Variants in TNFAIP8L1 observed in about 807,000 individuals in gnomAD.
TNFAIP8L1 encodes TNF alpha induced protein 8 like 1, also known as tumor necrosis factor alpha-induced protein 8-like protein 1.
For missense variants in TNFAIP8L1, 225 were observed against 266.1 expected (o/e 0.85, Z 1.08); for synonymous variants, 127 against 125.6 (o/e 1.01, Z -0.08).
rs1226952662 is a variant in TNFAIP8L1, at chr19:4,652,450, G to A, written c.*20G>A. The A allele has an allele frequency of 1.4e-5, 21 of 1,480,950 alleles. No individual in the cohort carries two copies. Among genetic ancestry groups the A allele is most frequent in the East Asian group, 2.5e-5 (1 of 39,520 alleles). The allele number at this position is 1,480,950 out of a possible 1,614,324, so 91.7% of individuals were successfully genotyped here. On this transcript the variant is annotated 3_prime_UTR_variant, in exon 2 of 2. Coordinates refer to ENST00000327473, the MANE Select transcript of TNFAIP8L1 (RefSeq NM_152362.3). ...CTCTGAACCCCGGCGCCGCCCAACC[G>A]CGCCCCTCGCGCCTTTTGGGGCTCT...
At chr19:4,650,787 C>G (rs974612938) in intron 1 of TNFAIP8L1, among the ~76,000 whole-genome samples, 2 of 152,168 alleles carry the variant, frequency 1.3e-5, no homozygotes, top group Non-Finnish European at 1.5e-5. Flanking sequence ...CACCCCCTGG[C>G]TCACTCGGGG....
chr19:4,651,262 C>G (rs2088361690), intron 1 of TNFAIP8L1, among the ~76,000 whole-genome samples: 1 of 152,022 alleles, frequency 6.6e-6, no homozygotes, highest in Non-Finnish European at 1.5e-5. Context: ...GGGCTGGCAT[C>G]AGACCCTACA....
intron 1 of TNFAIP8L1, among the ~76,000 whole-genome samples, chr19:4,647,609 C>CTTTT (rs57985958): frequency 3.7e-5 from 3 of 80,556 alleles, no homozygotes; most frequent in African/African-American, 4.8e-5. Flanking sequence ...GTGCACCTGG[C>CTTTT]TTTTTTTTTT....
rs768504363 is a variant in TNFAIP8L1 at position 4,654,446 on chromosome 19, T to C, written c.*2016T>C. The C allele has an allele frequency of 3.3e-5, 5 of 152,184 alleles. No individual in the cohort carries two copies. Among genetic ancestry groups the C allele is most frequent in the Non-Finnish European group, 7.3e-5 (5 of 68,040 alleles). The allele number at this position is 152,184 out of a possible 1,614,324, so 9.4% of individuals were successfully genotyped here. ...GCAGCCCCTTCCTTCCAGGCTCAAG[T>C]GATCCTCCCACCTCAGCCCCGGGTA... is the stretch of plus-strand genomic sequence containing the variant. On this transcript the variant is annotated 3_prime_UTR_variant, in exon 2 of 2. Transcript: ENST00000327473.
At position 4,654,065 on chromosome 19, in the gene TNFAIP8L1, T is replaced by C. The variant is rs2088399854; in HGVS notation, c.*1635T>C. ...CTTCAGCCTTGGAGGGACCTAGCCCTGGCCACACCTTCATCTCAGACTTGC... is the reference window on the plus strand; with the variant it reads ...CTTCAGCCTTGGAGGGACCTAGCCCCGGCCACACCTTCATCTCAGACTTGC... On this transcript the variant is annotated 3_prime_UTR_variant, in exon 2 of 2. Coordinates refer to ENST00000327473, the MANE Select transcript of TNFAIP8L1 (RefSeq NM_152362.3). The C allele has an allele frequency of 3.3e-5, 5 of 152,204 alleles. No individual in the cohort carries two copies. Among genetic ancestry groups the C allele is most frequent in the Admixed American group, 3.3e-4 (5 of 15,276 alleles). 9.4% of individuals were successfully genotyped at this position (152,204 alleles called of 1,614,324 possible).
intron 1 of TNFAIP8L1, chr19:4,640,677 T>A (rs1373766808): frequency 6.6e-6 from 1 of 152,360 alleles, no homozygotes; most frequent in East Asian, 1.9e-4. Context: ...TGCCTGACTC[T>A]CGCTGTGGCT....
At chr19:4,651,543 T>C (rs1165937380) in intron 1 of TNFAIP8L1, among the ~76,000 whole-genome samples, 1 of 151,816 alleles carries the variant, frequency 6.6e-6, no homozygotes, top group East Asian at 1.9e-4. Flanking sequence ...CTCAAGGGAT[T>C]CTCCTGCCTC....
At chr19:4,650,118 T>G (rs565298371) in intron 1 of TNFAIP8L1, among the ~76,000 whole-genome samples, 3 of 152,084 alleles carry the variant, frequency 2.0e-5, no homozygotes, top group Admixed American at 6.5e-5. Flanking sequence ...AGGGACACCG[T>G]GGATAAGGAA....
Position 4,653,947 on chromosome 19 carries a change from A to C in TNFAIP8L1, c.*1517A>C, listed in dbSNP as rs1272350098. ...GAGAGTGGGACTCTGTCTTAGAAAG[A>C]AAAAAAAAAGTATTTGGACACAGAC... On this transcript the variant is annotated 3_prime_UTR_variant, in exon 2 of 2. Coordinates refer to ENST00000327473, the MANE Select transcript of TNFAIP8L1 (RefSeq NM_152362.3). The C allele has an allele frequency of 6.7e-6, 1 of 149,502 alleles. No homozygotes were observed. Among genetic ancestry groups the C allele is most frequent in the African/African-American group, 2.5e-5 (1 of 40,528 alleles). The allele number at this position is 149,502 out of a possible 1,614,324, so 9.3% of individuals were successfully genotyped here.
intron 1 of TNFAIP8L1, among the ~76,000 whole-genome samples, chr19:4,650,992 GTAATAA>G (rs71845785): frequency 3.3e-5 from 5 of 151,144 alleles, no homozygotes; most frequent in Middle Eastern, 6.9e-3. Context: ...TCAAAAAATA[GTAATAA>G]TAATAATAAT....
intron 1 of TNFAIP8L1, among the ~76,000 whole-genome samples, chr19:4,646,994 T>C (rs867585424): frequency 1.3e-5 from 2 of 152,222 alleles, no homozygotes; most frequent in African/African-American, 2.4e-5. Context: ...CTTCTGTCAC[T>C]GGGAATGATG....
At chr19:4,642,676 G>A (rs933454584) in intron 1 of TNFAIP8L1, among the ~76,000 whole-genome samples, 2 of 151,602 alleles carry the variant, frequency 1.3e-5, no homozygotes, top group African/African-American at 2.4e-5. Context: ...GCAAGATGGC[G>A]CCTGGCATGG....
chr19:4,644,605 A>AGTTT (rs2088292697), intron 1 of TNFAIP8L1, among the ~76,000 whole-genome samples: 1 of 88,734 alleles, frequency 1.1e-5, no homozygotes, highest in African/African-American at 4.8e-5. Flanking sequence ...TGAGTCATGG[A>AGTTT]TTTTTTTTTT....
chr19:4,644,478 G>A (rs573224460), intron 1 of TNFAIP8L1, among the ~76,000 whole-genome samples: 3 of 151,678 alleles, frequency 2.0e-5, no homozygotes, highest in East Asian at 1.9e-4. Context: ...CCAGGAGGTC[G>A]AGGCTATAGT....
rs2088369961 is a variant in TNFAIP8L1, at chr19:4,652,003, C to T, written c.134C>T (p.Ala45Val). 3.1e-6 allele frequency: 5 copies of T among 1,614,138 alleles called. No individual in the cohort carries two copies. The highest frequency in any genetic ancestry group is 3.4e-6 in the Non-Finnish European group (4 of 1,179,998). The change falls in exon 2 of 2, where the codon GCC (alanine) becomes GTC (valine). Residue 45 changes from alanine (A) to valine (V), a missense_variant. Ala to Val is a moderately conservative substitution (Grantham distance 64, BLOSUM62 0). Transcript: ENST00000327473. The part of the protein sequence containing the change: ...SSEVLDELYR[A>V]TREFTRSRKE... Reference sequence around the variant, plus strand: ...GAGGTGCTGGATGAGCTGTACCGCGCCACCAGGGAGTTCACGCGCAGCCGC... The same window carrying T: ...GAGGTGCTGGATGAGCTGTACCGCGTCACCAGGGAGTTCACGCGCAGCCGC...
chr19:4,643,111 T>G (rs1010459057), intron 1 of TNFAIP8L1, among the ~76,000 whole-genome samples: 1 of 151,834 alleles, frequency 6.6e-6, no homozygotes, highest in African/African-American at 2.4e-5. Flanking sequence ...AAACCCCATC[T>G]CTACTAAAAA....
At chr19:4,649,497 C>A (rs2088342381) in intron 1 of TNFAIP8L1, among the ~76,000 whole-genome samples, 1 of 152,116 alleles carries the variant, frequency 6.6e-6, no homozygotes, top group Non-Finnish European at 1.5e-5. Context: ...TGGGAGCAGG[C>A]CCTAAATATC....
rs2088340494 is a variant in TNFAIP8L1, at chr19:4,649,296, A to G, written c.-3-2571A>G. 2.0e-5 allele frequency among the ~76,000 whole-genome samples: 3 copies of G among 151,422 alleles called. No individual in the cohort carries two copies. In the South Asian group the frequency reaches 6.3e-4, roughly 32 times the overall value. On this transcript the variant is annotated intron_variant, in intron 1 of 1. Coordinates refer to ENST00000327473, the MANE Select transcript of TNFAIP8L1 (RefSeq NM_152362.3). ...CTAGGTCTGCAAGTTCACAGAGCTGAGGTGGGCACGGAAGGGCGGAATTCC... is the reference window on the plus strand; with the variant it reads ...CTAGGTCTGCAAGTTCACAGAGCTGGGGTGGGCACGGAAGGGCGGAATTCC...
chr19:4,652,772 C>T lies in TNFAIP8L1; in HGVS notation c.*342C>T, dbSNP rs994402335. 2.1e-5 allele frequency: 6 copies of T among 290,630 alleles called. No homozygotes were observed. The highest frequency in any genetic ancestry group is 4.4e-5 in the African/African-American group (2 of 45,494). 18.0% of individuals were successfully genotyped at this position (290,630 alleles called of 1,614,324 possible). A position where few individuals can be genotyped will look rare whatever the true frequency, so the allele number is the denominator to read the frequency against. On this transcript the variant is annotated 3_prime_UTR_variant, in exon 2 of 2. Transcript: ENST00000327473. Reference sequence around the variant, plus strand: ...AAAAGCTGCTGCCTCCCACTTGGATCATGTCGCCTGGGATTTTCATCCCTC... The same window carrying T: ...AAAAGCTGCTGCCTCCCACTTGGATTATGTCGCCTGGGATTTTCATCCCTC...
Sources: allele counts gnomAD v4.1 joint callset (sites outside exome capture counted in the v4.1 genomes callset), GRCh38; gene constraint gnomAD v4.1.1; transcripts MANE v1.5; gene names NCBI Gene and HGNC (gene_info 2026-07-23, HGNC 2026-07-21).